The following CCL17 variants were observed in gnomAD, a reference collection of about 807,000 sequenced individuals.
CCL17 encodes C-C motif chemokine ligand 17.
A neutral mutation model predicts 7.4 loss-of-function variants in CCL17; 8 were observed. The observed-to-expected ratio is 1.09, with a 90% CI of 0.64 to 1.96. The LOEUF is 1.96. CCL17 is among the 30% of genes most tolerant of loss of function. CCL17 has a pLI of 0.00. For missense variants in CCL17, 102 were observed against 113.0 expected (o/e 0.90, Z 0.44); for synonymous variants, 40 against 46.1 (o/e 0.87, Z 0.54).
At chr16:57,403,099 C>A (rs1902616033), upstream of CCL17, among the ~76,000 whole-genome samples, 1 of 111,384 alleles carries the variant, frequency 9.0e-6, no homozygotes, top group South Asian at 2.5e-4. Context: ...GTAATCTAAA[C>A]AAATACATAT....
Position 57,415,044 on chromosome 16 carries a change from A to T in CCL17, c.71-37A>T, listed in dbSNP as rs201328573. On this transcript the variant is annotated intron_variant, in intron 2 of 3. Coordinates refer to ENST00000219244, the MANE Select transcript of CCL17 (RefSeq NM_002987.3). This position sits in a 1 kb window ranked among gnomAD's most constrained non-coding sequence, Gnocchi z 4.5. ...AGGTCCCCGCAACACACACGCAGACACTCACAGACACCCCTGCCCCGCTCC... is the reference window on the plus strand; with the variant it reads ...AGGTCCCCGCAACACACACGCAGACTCTCACAGACACCCCTGCCCCGCTCC... 116 of 1,377,876 alleles carry T rather than the reference A, an allele frequency of 8.4e-5. No homozygotes were observed. In the Admixed American group the frequency reaches 1.9e-3, roughly 23 times the overall value. The allele number at this position is 1,377,876 out of a possible 1,614,324, so 85.4% of individuals were successfully genotyped here.
At chr16:57,403,668 A>ATT (rs1246215437), upstream of CCL17, among the ~76,000 whole-genome samples, 47 of 91,150 alleles carry the variant, frequency 5.2e-4, 1 homozygote, top group African/African-American at 1.5e-3. Context: ...ATATATATAT[A>ATT]TTTTTTGAGA....
At chr16:57,414,222 G>C (rs1177690043) in intron 2 of CCL17, among the ~76,000 whole-genome samples, 3 of 152,038 alleles carry the variant, frequency 2.0e-5, no homozygotes, top group Non-Finnish European at 4.4e-5. Flanking sequence ...GCTTGGTGAG[G>C]ACCAAGGCGA....
chr16:57,411,255 T>C (rs1277003231), intron 1 of CCL17, among the ~76,000 whole-genome samples: 1 of 152,132 alleles, frequency 6.6e-6, no homozygotes, highest in Admixed American at 6.5e-5. Context: ...CCTTACCCAC[T>C]GTGAAACCCC....
chr16:57,412,053 G>A (rs1249409980), intron 1 of CCL17, among the ~76,000 whole-genome samples: 1 of 152,244 alleles, frequency 6.6e-6, no homozygotes. Context: ...TCTGGCAGCT[G>A]ATGGGACCCC....
the CCL17 span, among the ~76,000 whole-genome samples, chr16:57,396,380 T>G: frequency 2.0e-5 from 3 of 152,198 alleles, no homozygotes; most frequent in Non-Finnish European, 4.4e-5. Flanking sequence ...TGTGTGAGTT[T>G]GTTGTTTTCA....
At chr16:57,399,897 C>T (rs1377491776), upstream of CCL17, among the ~76,000 whole-genome samples, 5 of 152,160 alleles carry the variant, frequency 3.3e-5, no homozygotes, top group African/African-American at 9.7e-5. Flanking sequence ...AGTCTAGGTC[C>T]TGCTGCTCCC....
intron 1 of CCL17, among the ~76,000 whole-genome samples, chr16:57,409,933 T>C (rs1269280537): frequency 6.6e-6 from 1 of 152,180 alleles, no homozygotes; most frequent in Non-Finnish European, 1.5e-5. Flanking sequence ...CTGTCAGCGA[T>C]GGAGATGAGT....
At chr16:57,414,584 A>G (rs1210873385) in intron 2 of CCL17, among the ~76,000 whole-genome samples, 1 of 151,812 alleles carries the variant, frequency 6.6e-6, no homozygotes, top group Non-Finnish European at 1.5e-5. Flanking sequence ...CACGCCACCA[A>G]TGGGTTTTCA....
At chr16:57,401,622 C>T (rs1292950307), upstream of CCL17, among the ~76,000 whole-genome samples, 2 of 152,018 alleles carry the variant, frequency 1.3e-5, no homozygotes, top group African/African-American at 2.4e-5. Flanking sequence ...TGAAGAAATG[C>T]GTGGGACTAA....
In CCL17 at chr16:57,415,316, A is replaced by G. The variant is rs2146543085; in HGVS notation, c.188+118A>G. ...AAGAGACAGCGGGGCCTTCCTCCCCAACCCCTGCAGGCTCCCCACACTGTG... is the reference window on the plus strand; with the variant it reads ...AAGAGACAGCGGGGCCTTCCTCCCCGACCCCTGCAGGCTCCCCACACTGTG... On this transcript the variant is annotated intron_variant, in intron 3 of 3. Transcript: ENST00000219244. The surrounding 1 kb of genome is among the most constrained non-coding windows in gnomAD (Gnocchi z 4.5). 1 of 723,602 alleles carries G rather than the reference A, an allele frequency of 1.4e-6. No individual in the cohort carries two copies. Among genetic ancestry groups the G allele is most frequent in the Non-Finnish European group, 2.5e-6 (1 of 401,850 alleles). The allele number at this position is 723,602 out of a possible 1,614,324, so 44.8% of individuals were successfully genotyped here.
At position 57,415,016 on chromosome 16, in the gene CCL17, C is replaced by A. The variant is rs1902846206; in HGVS notation, c.71-65C>A. The A allele has an allele frequency of 9.5e-7, 1 of 1,050,560 alleles. No individual in the cohort carries two copies. The highest frequency in any genetic ancestry group is 2.1e-4 in the Middle Eastern group (1 of 4,878). 65.1% of individuals were successfully genotyped at this position (1,050,560 alleles called of 1,614,324 possible). ...ATGCAGATCTTCCACGAACACCCCC[C>A]AGAGGTCCCCGCAACACACACGCAG... On this transcript the variant is annotated intron_variant, in intron 2 of 3. Transcript: ENST00000219244. This position sits in a 1 kb window ranked among gnomAD's most constrained non-coding sequence, Gnocchi z 4.5.
chr16:57,415,530 TG>T lies in CCL17; in HGVS notation c.189-232del, dbSNP rs1902855443. On this transcript the variant is annotated intron_variant, in intron 3 of 3. Transcript: ENST00000219244. This position sits in a 1 kb window ranked among gnomAD's most constrained non-coding sequence, Gnocchi z 4.5. Reference sequence around the variant, plus strand: ...CCAGGCTCTAGACTGTCTGGGGGCATGGGCAGGCTGAGGGGTGGGCACAAGT... The same window carrying T: ...CCAGGCTCTAGACTGTCTGGGGGCATGGCAGGCTGAGGGGTGGGCACAAGT... Among the ~76,000 whole-genome samples the T allele has an allele frequency of 6.6e-6, 1 of 152,162 alleles. No individual in the cohort carries two copies. The highest frequency in any genetic ancestry group is 1.9e-4 in the East Asian group (1 of 5,182).
chr16:57,415,134 A>G lies in CCL17; in HGVS notation c.124A>G (p.Ile42Val). Reference protein sequence around the residue: ...ECCLEYFKGAIPLRKLKTWYQ... With the variant: ...ECCLEYFKGAVPLRKLKTWYQ... ...CTGCCTGGAGTACTTCAAGGGAGCC[A>G]TTCCCCTTAGAAAGCTGAAGACGTG... Residue 42 changes from isoleucine (I) to valine (V), a missense_variant, in exon 3 of 4, where the codon ATT (isoleucine) becomes GTT (valine). Transcript: ENST00000219244. The surrounding 1 kb of genome is among the most constrained non-coding windows in gnomAD (Gnocchi z 4.5). 6.2e-7 allele frequency: 1 copy of G among 1,614,068 alleles called. No homozygotes were observed. The highest frequency in any genetic ancestry group is 1.1e-5 in the South Asian group (1 of 91,078).
chr16:57,411,791 G>T (rs1210494138), intron 1 of CCL17, among the ~76,000 whole-genome samples: 1 of 152,234 alleles, frequency 6.6e-6, no homozygotes, highest in Non-Finnish European at 1.5e-5. Flanking sequence ...GGTCAGGGCT[G>T]CCCTGTGCCT....
At chr16:57,414,469 A>T (rs1188608323) in intron 2 of CCL17, among the ~76,000 whole-genome samples, 1 of 111,062 alleles carries the variant, frequency 9.0e-6, no homozygotes, top group Non-Finnish European at 1.6e-5. Flanking sequence ...CCCAGGCTGG[A>T]GTGCAATGGT....
Position 57,415,773 on chromosome 16 carries a change from CT to C in CCL17, c.198del (p.Val67CysfsTer15), listed in dbSNP as rs1326856840. Reference protein sequence around the residue: ...DCSRDAIVFVTVQGRAICSDP... With the variant: ...DCSRDAIVFVXVQGRAICSDP... ...GTCCTCCTTCTGTGTAGTTTTGTAA[CT>C]GTGCAGGGCAGGGCCATCTGTTCGG... On this transcript the variant is annotated frameshift_variant, in exon 4 of 4. Coordinates refer to ENST00000219244, the MANE Select transcript of CCL17 (RefSeq NM_002987.3). LOFTEE classifies it low-confidence loss of function (END_TRUNC). The surrounding 1 kb of genome is among the most constrained non-coding windows in gnomAD (Gnocchi z 4.5). 2 of 1,609,480 alleles carry C rather than the reference CT, an allele frequency of 1.2e-6. No individual in the cohort carries two copies. Among genetic ancestry groups the C allele is most frequent in the Non-Finnish European group, 1.7e-6 (2 of 1,175,892 alleles).
At chr16:57,409,582 C>T (rs1286067917) in intron 1 of CCL17, among the ~76,000 whole-genome samples, 2 of 152,092 alleles carry the variant, frequency 1.3e-5, no homozygotes, top group Non-Finnish European at 1.5e-5. Context: ...CATGAGTTCA[C>T]GGCTGTGGTC....
chr16:57,403,936 C>T (rs560785834), upstream of CCL17, among the ~76,000 whole-genome samples: 150 of 151,798 alleles, frequency 9.9e-4, 1 homozygote, highest in African/African-American at 3.1e-3. Context: ...GGATTACAGG[C>T]GTGAGCCACC....
Sources: allele counts gnomAD v4.1 joint callset (sites outside exome capture counted in the v4.1 genomes callset), GRCh38; gene constraint gnomAD v4.1.1; non-coding constraint Gnocchi (gnomAD v3.1); transcripts MANE v1.5; gene names NCBI Gene and HGNC (gene_info 2026-07-23, HGNC 2026-07-21).